RAPGEF5: variants seen among roughly 807,000 people sequenced by gnomAD.
The protein encoded by RAPGEF5 is M-Ras-regulated GEF.
RAPGEF5 carries 65 observed loss-of-function variants against 125.2 expected under a neutral mutation model. The ratio of observed to expected loss-of-function variants is 0.52; its 90% CI spans 0.43 to 0.64. The LOEUF is 0.64. Ranked by LOEUF, RAPGEF5 falls within the 30% of genes least tolerant of loss-of-function variation. The pLI is 0.00. For missense variants in RAPGEF5, 958 were observed against 1,048.1 expected (o/e 0.91, Z 1.19); for synonymous variants, 391 against 385.9 (o/e 1.01, Z -0.16).
intron 6 of RAPGEF5, among the ~76,000 whole-genome samples, chr7:22,288,022 C>T (rs1485683469): frequency 1.3e-5 from 2 of 152,228 alleles, no homozygotes; most frequent in Admixed American, 1.3e-4. Context: ...CTAAATACCA[C>T]TCCAGCATCT....
chr7:22,190,414 G>A (rs989491430), intron 11 of RAPGEF5, among the ~76,000 whole-genome samples: 2 of 152,186 alleles, frequency 1.3e-5, no homozygotes, highest in African/African-American at 2.4e-5. Flanking sequence ...GTAGGTGTGT[G>A]CGAGTCAACT....
chr7:22,260,884 G>A (rs1394377271), intron 7 of RAPGEF5, among the ~76,000 whole-genome samples: 2 of 152,134 alleles, frequency 1.3e-5, no homozygotes, highest in Non-Finnish European at 2.9e-5. Flanking sequence ...TAGGCACAAG[G>A]AAAGGTAAAT....
At chr7:22,190,402 T>C (rs1044621337) in intron 11 of RAPGEF5, among the ~76,000 whole-genome samples, 2 of 152,182 alleles carry the variant, frequency 1.3e-5, no homozygotes, top group Non-Finnish European at 2.9e-5. Context: ...ATAGTATACA[T>C]AGTAGGTGTG....
chr7:22,258,390 GC>G (rs1214344474), intron 7 of RAPGEF5, among the ~76,000 whole-genome samples: 4 of 152,108 alleles, frequency 2.6e-5, no homozygotes, highest in African/African-American at 9.7e-5. Flanking sequence ...GGAGGCCGAG[GC>G]AGGCAAATCA....
chr7:22,328,499 G>A (rs542392211), intron 1 of RAPGEF5, among the ~76,000 whole-genome samples: 1 of 152,312 alleles, frequency 6.6e-6, no homozygotes, highest in East Asian at 1.9e-4. Flanking sequence ...CCTAAGTACA[G>A]TCAATTTTTG....
rs573733536 is a variant in RAPGEF5, at chr7:22,251,924, T to C, written c.796+15040A>G. 7.2e-5 allele frequency among the ~76,000 whole-genome samples: 11 copies of C among 152,290 alleles called. No homozygotes were observed. The South Asian group carries it at 1.9e-3, about 26-fold the overall frequency. On this transcript the variant is annotated intron_variant, in intron 7 of 25. Transcript: ENST00000665637. ...ATGTGGGTTTCAGATCTCTGGTGTG[T>C]AAATGGTCATTAACTTTCATTTGAC...
rs540184661 is a variant in RAPGEF5 at position 22,287,906 on chromosome 7, A to T, written c.747+3269T>A. Among the ~76,000 whole-genome samples the T allele has an allele frequency of 4.6e-5, 7 of 152,324 alleles. No individual in the cohort carries two copies. The South Asian group carries it at 1.5e-3, about 32-fold the overall frequency. On this transcript the variant is annotated intron_variant, in intron 6 of 25. Coordinates refer to ENST00000665637, the MANE Select transcript of RAPGEF5 (RefSeq NM_012294.5). ...CCAAGGTCACATTGTTGGAAGAAAT[A>T]AGAATCAAGGCCCTTAATCTCAGTA...
chr7:22,312,611 G>A (rs1583570977), intron 3 of RAPGEF5, among the ~76,000 whole-genome samples: 1 of 152,186 alleles, frequency 6.6e-6, no homozygotes, highest in East Asian at 1.9e-4. Context: ...CTGTTTTGGG[G>A]AGGCAGGGCT....
intron 4 of RAPGEF5, among the ~76,000 whole-genome samples, chr7:22,309,317 C>T (rs1342759039): frequency 1.3e-5 from 2 of 152,208 alleles, no homozygotes. Flanking sequence ...TCTTTCACAA[C>T]AGGACCAGGG....
At chr7:22,283,601 G>C (rs1583546794) in intron 6 of RAPGEF5, among the ~76,000 whole-genome samples, 1 of 152,086 alleles carries the variant, frequency 6.6e-6, no homozygotes, top group Non-Finnish European at 1.5e-5. Context: ...AGCTCCGTCG[G>C]CTTCTTTCAG....
intron 13 of RAPGEF5, 67 bp from the exon 14 acceptor site, chr7:22,160,682 C>G (rs1049515132): frequency 7.0e-7 from 1 of 1,430,216 alleles, no homozygotes; most frequent in Non-Finnish European, 9.1e-7. Context: ...AAGACTCATA[C>G]CATGGCTATC....
intron 5 of RAPGEF5, among the ~76,000 whole-genome samples, chr7:22,292,266 G>A (rs931679107): frequency 9.9e-5 from 15 of 152,208 alleles, no homozygotes; most frequent in African/African-American, 2.9e-4. Context: ...TTTAAGAAGG[G>A]AAAAGCCAGT....
chr7:22,292,211 G>A (rs74756002), intron 5 of RAPGEF5, among the ~76,000 whole-genome samples: 3,658 of 152,276 alleles, frequency 0.024, 81 homozygotes, highest in South Asian at 0.083. Flanking sequence ...GCCTTATGGG[G>A]CAGGAGGGCT....
intron 23 of RAPGEF5, among the ~76,000 whole-genome samples, chr7:22,135,641 G>A (rs995237199): frequency 2.6e-5 from 4 of 152,274 alleles, no homozygotes; most frequent in East Asian, 1.9e-4. Context: ...TGTGGGCTGC[G>A]TCTCTTAAGT....
chr7:22,137,239 C>T (rs1783107384), intron 21 of RAPGEF5, among the ~76,000 whole-genome samples: 2 of 152,202 alleles, frequency 1.3e-5, no homozygotes, highest in African/African-American at 4.8e-5. Flanking sequence ...GTTAGACATT[C>T]CACATACTGG....
Position 22,144,585 on chromosome 7 carries a change from G to C in RAPGEF5, c.2186+459C>G, listed in dbSNP as rs574383865. On this transcript the variant is annotated intron_variant, in intron 20 of 25. Coordinates refer to ENST00000665637, the MANE Select transcript of RAPGEF5 (RefSeq NM_012294.5). ...GGGTGCACCCAGGGATGAGGCTCAG[G>C]GGGTGGGGCCAGCCAGTGCAGGGCC... Among the ~76,000 whole-genome samples the C allele has an allele frequency of 1.9e-4, 29 of 152,312 alleles. No homozygotes were observed. The South Asian group carries it at 5.4e-3, about 28-fold the overall frequency.
At chr7:22,145,475 T>C (rs1456856263) in intron 19 of RAPGEF5, among the ~76,000 whole-genome samples, 1 of 152,206 alleles carries the variant, frequency 6.6e-6, no homozygotes, top group Non-Finnish European at 1.5e-5. Flanking sequence ...TATATACAAA[T>C]CTAAGATATC....
rs753759828 is a variant in RAPGEF5 at position 22,235,812 on chromosome 7, C to A, written c.797-4893G>T. Among the ~76,000 whole-genome samples, 3 of 152,170 alleles carry A rather than the reference C, an allele frequency of 2.0e-5. 1 individual carries two copies. Among genetic ancestry groups the A allele is most frequent in the South Asian group, 4.1e-4 (2 of 4,828 alleles). ...GGGAGATGGCACAGAAACAAGCCTG[C>A]AGTGAGAAATGTTTAGACACTATAC... On this transcript the variant is annotated intron_variant, in intron 7 of 25. Transcript: ENST00000665637.
chr7:22,325,044 C>T (rs1783786782), intron 1 of RAPGEF5, among the ~76,000 whole-genome samples: 1 of 152,146 alleles, frequency 6.6e-6, no homozygotes, highest in African/African-American at 2.4e-5. Context: ...GAGCCCTTGC[C>T]ATGATCTCTG....
Sources: allele counts gnomAD v4.1 joint callset (sites outside exome capture counted in the v4.1 genomes callset), GRCh38; gene constraint gnomAD v4.1.1; transcripts MANE v1.5; gene names NCBI Gene and HGNC (gene_info 2026-07-23, HGNC 2026-07-21).